The following RUFY4 variants were observed in gnomAD, a reference collection of about 807,000 sequenced individuals.
The protein encoded by RUFY4 is RUN and FYVE domain containing 4.
Under a neutral mutation model 69.0 loss-of-function variants are expected in RUFY4, and 73 were observed. The ratio of observed to expected loss-of-function variants is 1.06; its 90% CI spans 0.88 to 1.29. RUFY4 has a LOEUF of 1.29. RUFY4 is among the 50% of genes most tolerant of loss of function. The pLI, the probability that RUFY4 is intolerant of heterozygous loss-of-function variation, is 0.00. For synonymous variants in RUFY4, 287 were observed against 271.8 expected (o/e 1.06, Z -0.55); for missense variants, 770 against 705.6 (o/e 1.09, Z -1.03).
At chr2:218,081,972 GCACAGA>G (rs1182428984) in intron 8 of RUFY4, among the ~76,000 whole-genome samples, 3 of 152,308 alleles carry the variant, frequency 2.0e-5, no homozygotes, top group Middle Eastern at 3.4e-3. Flanking sequence ...ACACACACTG[GCACAGA>G]CACGTACATG....
intron 8 of RUFY4, among the ~76,000 whole-genome samples, chr2:218,081,845 G>C (rs1285957415): frequency 6.6e-6 from 1 of 152,174 alleles, no homozygotes; most frequent in Non-Finnish European, 1.5e-5. Flanking sequence ...TGATGTCATG[G>C]CCCACCCAAC....
chr2:218,061,960 T>C (rs1290398847), intron 3 of RUFY4, among the ~76,000 whole-genome samples: 1 of 152,258 alleles, frequency 6.6e-6, no homozygotes. Context: ...AGAAATGTTC[T>C]GGAAAACAGT....
exon 11 of RUFY4, chr2:218,090,397 A>G (rs1690005230): frequency 4.2e-6 from 1 of 239,086 alleles, no homozygotes; most frequent in East Asian, 9.1e-5. Context: ...TCTCCTCCAC[A>G]CTCCCCACTC....
rs1689467155 is a variant in RUFY4, at chr2:218,070,782, G to C, written c.76G>C (p.Gly26Arg). Reference sequence around the variant, plus strand: ...CGTCTCTGCCATCCTCCAGGGCTATGGGGATGGGCAGGGGCCAGTGACGGA... The same window carrying C: ...CGTCTCTGCCATCCTCCAGGGCTATCGGGATGGGCAGGGGCCAGTGACGGA... The change falls in exon 2 of 11, where the codon GGG becomes CGG. Residue 26 changes from glycine (G) to arginine (R), a missense_variant. Physicochemically the swap from Gly to Arg is moderately radical, Grantham distance 125. Coordinates refer to ENST00000344321, the Ensembl canonical transcript of RUFY4. The C allele has an allele frequency of 1.3e-6, 2 of 1,537,132 alleles. No individual in the cohort carries two copies. The highest frequency in any genetic ancestry group is 1.7e-6 in the Non-Finnish European group (2 of 1,146,800).
intron 2 of RUFY4, among the ~76,000 whole-genome samples, chr2:218,043,352 G>A (rs1055908831): frequency 1.3e-5 from 2 of 152,004 alleles, no homozygotes; most frequent in Non-Finnish European, 2.9e-5. Flanking sequence ...CCAGTAGTCT[G>A]CAGCTCTCAA....
At chr2:218,090,233 C>T in exon 11 of RUFY4, 1 of 379,068 alleles carries the variant, frequency 2.6e-6, no homozygotes, top group Non-Finnish European at 5.3e-6. Context: ...GGTTCCAGCC[C>T]TGCAACTACC....
chr2:218,068,137 G>GCAGGATGGCAGGGGGTTA (rs1689388808), upstream of RUFY4, among the ~76,000 whole-genome samples: 1 of 133,532 alleles, frequency 7.5e-6, no homozygotes, highest in East Asian at 2.4e-4. Flanking sequence ...GCAGGGGACT[G>GCAGGATGGCAGGGGGTTA]GAGGAGGGCA....
Position 218,089,243 on chromosome 2 carries a change from C to A in RUFY4, c.1503-9C>A. ...TGTCTGTGTCTCTCCACCTTCATCCCCCCATCAGAGAGAAGGACCGCCTGT... is the reference window on the plus strand; with the variant it reads ...TGTCTGTGTCTCTCCACCTTCATCCACCCATCAGAGAGAAGGACCGCCTGT... On this transcript the variant is annotated splice_polypyrimidine_tract_variant and intron_variant, in intron 9 of 10. Coordinates refer to ENST00000344321, the Ensembl canonical transcript of RUFY4. 6.2e-7 allele frequency: 1 copy of A among 1,607,496 alleles called. No homozygotes were observed. Among genetic ancestry groups the A allele is most frequent in the Non-Finnish European group, 8.5e-7 (1 of 1,174,568 alleles).
intron 2 of RUFY4, among the ~76,000 whole-genome samples, chr2:218,041,616 A>G (rs1292600604): frequency 6.6e-6 from 1 of 152,236 alleles, no homozygotes; most frequent in African/African-American, 2.4e-5. Flanking sequence ...ATTGGTTACA[A>G]TTATACAGCT....
chr2:218,087,458 T>G (rs1689921629), intron 9 of RUFY4, among the ~76,000 whole-genome samples: 1 of 152,188 alleles, frequency 6.6e-6, no homozygotes, highest in Non-Finnish European at 1.5e-5. Context: ...CATCATCATA[T>G]TACAGAACAG....
In RUFY4 at chr2:218,076,437, T is replaced by C. The variant is rs558800999; in HGVS notation, c.1259T>C (p.Leu420Pro). The C allele has an allele frequency of 1.3e-5, 20 of 1,550,040 alleles. No individual in the cohort carries two copies. The African/African-American group carries it at 2.3e-4, about 18-fold the overall frequency. Reference sequence around the variant, plus strand: ...CCTTCCACCCCACAGAGCCTCAGACTTGGGCTCCGGAAGGCTGAGGAGCAG... The same window carrying C: ...CCTTCCACCCCACAGAGCCTCAGACCTGGGCTCCGGAAGGCTGAGGAGCAG... Residue 420 changes from leucine (L) to proline (P), a missense_variant, in exon 8 of 11, where the codon CTT becomes CCT. By Grantham distance (98) the Leu-to-Pro change is moderately conservative. Transcript: ENST00000344321.
At chr2:218,050,661 A>AT (rs112171073) in intron 2 of RUFY4, among the ~76,000 whole-genome samples, 2,084 of 151,898 alleles carry the variant, frequency 0.014, 46 homozygotes, top group African/African-American at 0.046. Context: ...ATTACCACAC[A>AT]TTTTTTTTGG....
intron 8 of RUFY4, among the ~76,000 whole-genome samples, chr2:218,078,790 T>C (rs1412076881): frequency 6.6e-6 from 1 of 152,196 alleles, no homozygotes; most frequent in Non-Finnish European, 1.5e-5. Context: ...CAGCTCTAGG[T>C]AACACCAGTC....
chr2:218,089,144 T>C, intron 9 of RUFY4, 108 bp from the exon 12 acceptor site: 1 of 799,050 alleles, frequency 1.3e-6, no homozygotes, highest in South Asian at 1.7e-5. Flanking sequence ...TCTTCCTCTC[T>C]GTGTGATTCC....
At position 218,060,354 on chromosome 2, in the gene RUFY4, A is replaced by G; in HGVS notation, c.-1071+1673A>G. The G allele has an allele frequency of 7.1e-6, 11 of 1,541,078 alleles. No individual in the cohort carries two copies. The South Asian group carries it at 1.4e-4, about 20-fold the overall frequency. Reference sequence around the variant, plus strand: ...GCAAGAGGTCTTAGAGAGTAGTGGAAGTGTGCCCTGAAGAAGAGCCAACAA... The same window carrying G: ...GCAAGAGGTCTTAGAGAGTAGTGGAGGTGTGCCCTGAAGAAGAGCCAACAA... On this transcript the variant is annotated intron_variant and NMD_transcript_variant, in intron 3 of 13. Coordinates refer to the RUFY4 transcript ENST00000457754.
rs535030911 is a variant in RUFY4 at position 218,083,264 on chromosome 2, C to T, written c.1502+8C>T. On this transcript the variant is annotated splice_region_variant and intron_variant, in intron 9 of 10. Coordinates refer to ENST00000344321, the Ensembl canonical transcript of RUFY4. Reference sequence around the variant, plus strand: ...GGTGTTGGAACTGATCCAGTAAGGACGGGGACAGTGGGAAAGGGGAAACAG... The same window carrying T: ...GGTGTTGGAACTGATCCAGTAAGGATGGGGACAGTGGGAAAGGGGAAACAG... 1.3e-4 allele frequency: 202 copies of T among 1,580,070 alleles called. 1 individual carries two copies. The East Asian group carries it at 1.8e-3, about 14-fold the overall frequency.
intron 3 of RUFY4, among the ~76,000 whole-genome samples, chr2:218,063,133 A>C (rs1238365316): frequency 6.6e-6 from 1 of 152,190 alleles, no homozygotes; most frequent in Non-Finnish European, 1.5e-5. Flanking sequence ...CAGTTTCTCA[A>C]AGAAGAAGTC....
chr2:218,090,224 G>A, exon 11 of RUFY4: 2 of 389,900 alleles, frequency 5.1e-6, no homozygotes, highest in Non-Finnish European at 5.1e-6. Context: ...GTGGGGAGTG[G>A]TTCCAGCCCT....
chr2:218,054,405 A>G (rs1689013057), intron 2 of RUFY4, among the ~76,000 whole-genome samples: 5 of 152,116 alleles, frequency 3.3e-5, no homozygotes, highest in Admixed American at 3.3e-4. Flanking sequence ...AAATACAAAA[A>G]TTAGCCAGTT....
Sources: allele counts gnomAD v4.1 joint callset (sites outside exome capture counted in the v4.1 genomes callset), GRCh38; gene constraint gnomAD v4.1.1; transcripts MANE v1.5; gene names NCBI Gene and HGNC (gene_info 2026-07-23, HGNC 2026-07-21).